ADAM10: variants seen among roughly 807,000 people sequenced by gnomAD.
The protein encoded by ADAM10 is disintegrin and metalloproteinase domain-containing protein 10.
ADAM10 carries 17 observed loss-of-function variants against 90.1 expected under a neutral mutation model. The ratio of observed to expected loss-of-function variants is 0.19; its 90% CI spans 0.13 to 0.28. The LOEUF is 0.28. Among genes scored for constraint, ADAM10 ranks in the 10% least tolerant of loss-of-function variants. ADAM10 has a pLI of 1.00. For synonymous variants in ADAM10, 310 were observed against 298.6 expected, an observed-to-expected ratio of 1.04 and a Z score of -0.40; for missense variants, 610 against 914.3, an observed-to-expected ratio of 0.67 and a Z score of 4.29.
intron 1 of ADAM10, among the ~76,000 whole-genome samples, chr15:58,741,375 C>T (rs1899608838): frequency 6.6e-6 from 1 of 152,154 alleles, no homozygotes. Context: ...TATCTCCACT[C>T]CAAATTCACT....
chr15:58,711,735 C>T (rs602921), intron 2 of ADAM10, among the ~76,000 whole-genome samples: 5,278 of 152,160 alleles, frequency 0.035, 99 homozygotes, highest in Middle Eastern at 0.051. Flanking sequence ...AAGGTTTAAA[C>T]GTACATATAC....
chr15:58,660,879 CTA>C (rs1420301185), intron 5 of ADAM10, among the ~76,000 whole-genome samples: 1 of 152,232 alleles, frequency 6.6e-6, no homozygotes. Flanking sequence ...AATTCTGCCA[CTA>C]TAATGTAAAA....
In ADAM10 at chr15:58,682,308, G is replaced by A. The variant is rs753483715; in HGVS notation, c.213C>T (p.Phe71=). 6.8e-6 allele frequency: 11 copies of A among 1,611,930 alleles called. No individual in the cohort carries two copies. Among genetic ancestry groups the A allele is most frequent in the Non-Finnish European group, 9.3e-6 (11 of 1,179,116 alleles). The change falls in exon 3 of 16, where the codon TTC becomes TTT. Residue 71 remains phenylalanine, a synonymous_variant. Transcript: ENST00000260408. ...RLDFHAHGRH[F]NLRMKRDTSL... is the part of the protein sequence containing the mutation. ...AAGTGTCCCTCTTCATTCGTAGGTT[G>A]AAATGTCTGTAAAATGGGATGGGAA...
intron 1 of ADAM10, among the ~76,000 whole-genome samples, chr15:58,719,872 T>C (rs576689537): frequency 4.5e-4 from 69 of 152,294 alleles, no homozygotes; most frequent in African/African-American, 1.6e-3. Context: ...ATTAAATGAT[T>C]TAAACCATGT....
chr15:58,590,937 T>C lies in ADAM10; in HGVS notation c.*6610A>G, dbSNP rs1894811756. 6.6e-6 allele frequency: 1 copy of C among 152,206 alleles called. No homozygotes were observed. Among genetic ancestry groups the C allele is most frequent in the Admixed American group, 6.5e-5 (1 of 15,282 alleles). The allele number at this position is 152,206 out of a possible 1,614,324, so 9.4% of individuals were successfully genotyped here. ...ACTGAGAACAAACAACTACAGAATA[T>C]CTTTTTAAAGATCTATTTCCACCTC... On this transcript the variant is annotated 3_prime_UTR_variant, in exon 16 of 16. Transcript: ENST00000260408.
intron 4 of ADAM10, among the ~76,000 whole-genome samples, chr15:58,673,736 TCTC>T (rs1309204079): frequency 6.9e-6 from 1 of 145,436 alleles, no homozygotes; most frequent in Non-Finnish European, 1.5e-5. Flanking sequence ...TCTCTTTCTC[TCTC>T]TTTTTTTTTT....
intron 2 of ADAM10, among the ~76,000 whole-genome samples, chr15:58,701,022 C>A (rs72743088): frequency 0.059 from 4,124 of 70,110 alleles, 126 homozygotes; most frequent in Middle Eastern, 0.14. Flanking sequence ...AACAAAAAAA[C>A]AAAAAAAAAA....
At chr15:58,623,027 C>T (rs1197809839) in intron 10 of ADAM10, among the ~76,000 whole-genome samples, 2 of 152,152 alleles carry the variant, frequency 1.3e-5, no homozygotes, top group African/African-American at 4.8e-5. Flanking sequence ...AGTCATTGTA[C>T]AGGCTTTAAG....
At chr15:58,666,153 T>G (rs1160305363) in intron 4 of ADAM10, among the ~76,000 whole-genome samples, 1 of 151,432 alleles carries the variant, frequency 6.6e-6, no homozygotes. Flanking sequence ...ACCACCTTAT[T>G]GTCTATCACC....
intron 11 of ADAM10, among the ~76,000 whole-genome samples, chr15:58,616,424 T>A (rs977799561): frequency 6.6e-6 from 1 of 152,180 alleles, no homozygotes; most frequent in South Asian, 2.1e-4. Flanking sequence ...AGAGATCATA[T>A]CAAGTATCTC....
intron 11 of ADAM10, among the ~76,000 whole-genome samples, chr15:58,618,402 C>T (rs759627280): frequency 5.3e-5 from 8 of 151,984 alleles, no homozygotes; most frequent in Non-Finnish European, 7.4e-5. Flanking sequence ...AGACCTGAAA[C>T]GATGAAACTA....
intron 5 of ADAM10, among the ~76,000 whole-genome samples, chr15:58,659,231 C>G (rs994686680): frequency 6.6e-6 from 1 of 151,882 alleles, no homozygotes; most frequent in Non-Finnish European, 1.5e-5. Flanking sequence ...CGAGATCACA[C>G]CACTGCACTC....
At chr15:58,747,647 A>G (rs1179144787) in intron 1 of ADAM10, 1 of 152,192 alleles carries the variant, frequency 6.6e-6, no homozygotes, top group Non-Finnish European at 1.5e-5. Flanking sequence ...AACTAATAAA[A>G]CTTGTCTTAT....
chr15:58,699,237 C>T (rs1398205079), intron 2 of ADAM10, among the ~76,000 whole-genome samples: 1 of 152,108 alleles, frequency 6.6e-6, no homozygotes, highest in Non-Finnish European at 1.5e-5. Flanking sequence ...GTCCTTACTA[C>T]ACAAGCAAAA....
At chr15:58,702,859 A>G (rs1011110932) in intron 2 of ADAM10, among the ~76,000 whole-genome samples, 3 of 152,224 alleles carry the variant, frequency 2.0e-5, no homozygotes, top group Non-Finnish European at 4.4e-5. Flanking sequence ...GCAGGTAAAT[A>G]GTAGAAAGAA....
chr15:58,719,334 A>G (rs2140818665), intron 1 of ADAM10, among the ~76,000 whole-genome samples: 1 of 152,262 alleles, frequency 6.6e-6, no homozygotes, highest in African/African-American at 2.4e-5. Context: ...CAAAGAAAAA[A>G]AAAAATTGTC....
chr15:58,675,767 T>C (rs1249967612), intron 4 of ADAM10, among the ~76,000 whole-genome samples: 1 of 152,226 alleles, frequency 6.6e-6, no homozygotes, highest in African/African-American at 2.4e-5. Context: ...AGAATAGCAG[T>C]ATCATTTTTC....
intron 2 of ADAM10, among the ~76,000 whole-genome samples, chr15:58,712,055 T>C (rs1278042837): frequency 6.6e-6 from 1 of 152,158 alleles, no homozygotes; most frequent in African/African-American, 2.4e-5. Context: ...AATCTTGCAA[T>C]GAAGTTTTTC....
intron 2 of ADAM10, among the ~76,000 whole-genome samples, chr15:58,716,126 T>C (rs1293505909): frequency 2.0e-5 from 3 of 152,198 alleles, no homozygotes; most frequent in African/African-American, 4.8e-5. Flanking sequence ...ACTTTTGTAA[T>C]ACGGAAAATA....
Sources: gnomAD v4.1 joint callset for allele counts (sites outside exome capture counted in the v4.1 genomes callset) on GRCh38, gnomAD v4.1.1 for gene constraint, MANE v1.5 for transcripts, NCBI Gene and HGNC (gene_info 2026-07-23, HGNC 2026-07-21) for gene names.